NAV1: variants seen among roughly 807,000 people sequenced by gnomAD.
The protein encoded by NAV1 is neuron navigator 1, also known as pore membrane and/or filament interacting like protein 3.
In NAV1, 18 loss-of-function variants were observed where a neutral mutation model predicts 175.2. That is an observed-to-expected ratio of 0.10 (90% CI 0.07 to 0.15). The LOEUF is 0.15. NAV1 is among the 10% of genes least tolerant of loss of function. The pLI is 1.00. For missense variants in NAV1, 1,731 were observed against 2,436.6 expected (o/e 0.71, Z 6.10); for synonymous variants, 897 against 978.7 (o/e 0.92, Z 1.56).
Position 201,808,600 on chromosome 1 carries a change from A to G in NAV1, c.4028A>G (p.His1343Arg), listed in dbSNP as rs759003791. The stretch of plus-strand genomic sequence containing the variant: ...CTGGATCAGCTTCGGGAGACCATGC[A>G]CAACATGCAGGTCAGTGTCTGGGCG... Residue 1343 changes from histidine to arginine, a missense_variant, in exon 19 of 30, where the codon CAC becomes CGC. Transcript: ENST00000367296. The surrounding 1 kb of genome is among the most constrained non-coding windows in gnomAD (Gnocchi z 5.5). 19 of 1,614,106 alleles carry G rather than the reference A, an allele frequency of 1.2e-5. No homozygotes were observed. Among genetic ancestry groups the G allele is most frequent in the Non-Finnish European group, 1.5e-5 (18 of 1,180,042 alleles).
chr1:201,601,553 G>A (rs972171900), intron 2 of NAV1, among the ~76,000 whole-genome samples: 3 of 152,100 alleles, frequency 2.0e-5, no homozygotes, highest in South Asian at 2.1e-4. Flanking sequence ...TGGTCATGAG[G>A]GCAGAGCCTT....
chr1:201,714,201 G>T (rs1399709655), intron 2 of NAV1, among the ~76,000 whole-genome samples: 1 of 152,164 alleles, frequency 6.6e-6, no homozygotes, highest in Non-Finnish European at 1.5e-5. Context: ...GTGAGCCACC[G>T]CGCCCGGCCA....
At chr1:201,652,980 A>G (rs959532252) in intron 1 of NAV1, among the ~76,000 whole-genome samples, 1 of 152,236 alleles carries the variant, frequency 6.6e-6, no homozygotes, top group African/African-American at 2.4e-5. Context: ...ATCATCTAAT[A>G]TAAAGCCTAT....
In NAV1 at chr1:201,583,963, C is replaced by T. The variant is rs564449704; in HGVS notation, c.-143-4576C>T. Among the ~76,000 whole-genome samples the T allele has an allele frequency of 2.0e-5, 3 of 152,330 alleles. No individual in the cohort carries two copies. In the South Asian group the frequency reaches 6.2e-4, roughly 32 times the overall value. ...GTCACTTACTCTCTCTGTACTCCAA[C>T]TTCGTCCTCTGAAAAATTAAAGAAT... On this transcript the variant is annotated intron_variant, in intron 1 of 33. Coordinates refer to the NAV1 transcript ENST00000685211.
At chr1:201,789,610 A>G (rs1313289921) in intron 10 of NAV1, 130 bp from the exon 15 acceptor site, 2 of 824,510 alleles carry the variant, frequency 2.4e-6, no homozygotes, top group South Asian at 1.5e-5. Context: ...TGGGTTCCCT[A>G]CTCTGTTCTT....
chr1:201,730,354 C>T (rs1446076500), intron 3 of NAV1, among the ~76,000 whole-genome samples: 2 of 152,216 alleles, frequency 1.3e-5, no homozygotes, highest in Non-Finnish European at 2.9e-5. Flanking sequence ...AGTGGCCCCA[C>T]CAGAACAGAA....
intron 5 of NAV1, 148 bp downstream of exon 9, chr1:201,781,457 G>C (rs1164217945): frequency 6.4e-6 from 5 of 778,088 alleles, no homozygotes; most frequent in Non-Finnish European, 9.7e-6. Context: ...GGACAGTCCC[G>C]TGAGTTAGGA....
chr1:201,544,158 C>A (rs57748470), intron 1 of NAV1, among the ~76,000 whole-genome samples: 3,404 of 152,276 alleles, frequency 0.022, 122 homozygotes, highest in African/African-American at 0.077. Context: ...AATTCCTGGG[C>A]CCATCCCCAG....
intron 3 of NAV1, among the ~76,000 whole-genome samples, chr1:201,736,410 A>G (rs886762985): frequency 1.3e-5 from 2 of 152,066 alleles, no homozygotes; most frequent in African/African-American, 4.8e-5. Context: ...TTCTTACCCC[A>G]TTCTAACCAA....
Position 201,701,009 on chromosome 1 carries a change from CAAAAAAAAAA to C in NAV1, c.758-11794_758-11785del, listed in dbSNP as rs386369321. Among the ~76,000 whole-genome samples the C allele has an allele frequency of 9.7e-4, 51 of 52,764 alleles. No individual in the cohort carries two copies. The South Asian group carries it at 0.028, about 29-fold the overall frequency. 34.6% of individuals were successfully genotyped at this position (52,764 alleles called of 152,430 possible). ...CTGGGGACAGAGTGAGACTCTGTCT[CAAAAAAAAAA>C]AAAAAAAAAAAAAGAAAGAAAAGAA... is the stretch of plus-strand genomic sequence containing the variant. On this transcript the variant is annotated intron_variant, in intron 1 of 29. Coordinates refer to ENST00000367296, the Ensembl canonical transcript of NAV1.
chr1:201,727,745 C>T (rs1672670404), intron 3 of NAV1, among the ~76,000 whole-genome samples: 1 of 152,202 alleles, frequency 6.6e-6, no homozygotes, highest in South Asian at 2.1e-4. Context: ...CTGCTGTGGG[C>T]AACTGGGGCT....
In NAV1 at chr1:201,718,481, T is replaced by C; in HGVS notation, c.952T>C (p.Tyr318His). 1 of 1,601,494 alleles carries C rather than the reference T, an allele frequency of 6.2e-7. No homozygotes were observed. Residue 318 changes from tyrosine to histidine, a missense_variant, in exon 3 of 30, where the codon TAT becomes CAT. Physicochemically the swap from Tyr to His is moderately conservative, Grantham distance 83. Transcript: ENST00000367296. This position sits in a 1 kb window ranked among gnomAD's most constrained non-coding sequence, Gnocchi z 4.8. ...CCGCTCGTCCCCTCTGTCATGGCGC[T>C]ATGGCCAGTCCAGTCCGCGGCTGCA...
chr1:201,684,492 T>TA (rs1553253633), intron 1 of NAV1, among the ~76,000 whole-genome samples: 3 of 150,508 alleles, frequency 2.0e-5, no homozygotes, highest in East Asian at 2.0e-4. Flanking sequence ...TTTTTTTTTT[T>TA]AGACAGAGTC....
At chr1:201,755,223 T>G (rs968229876) in intron 3 of NAV1, among the ~76,000 whole-genome samples, 1 of 152,208 alleles carries the variant, frequency 6.6e-6, no homozygotes, top group African/African-American at 2.4e-5. Flanking sequence ...TTTAAAAACT[T>G]AAGATATTAT....
At chr1:201,615,451 G>T (rs1391930415) in intron 2 of NAV1, among the ~76,000 whole-genome samples, 2 of 152,026 alleles carry the variant, frequency 1.3e-5, no homozygotes, top group Admixed American at 6.6e-5. Flanking sequence ...TTTTAGTAGA[G>T]ATGGGGTTTC....
intron 2 of NAV1, among the ~76,000 whole-genome samples, chr1:201,613,174 C>T (rs1667905255): frequency 2.0e-5 from 3 of 152,212 alleles, no homozygotes; most frequent in Admixed American, 1.3e-4. Flanking sequence ...TCAGGAGTGC[C>T]TCAATTCAGA....
intron 15 of NAV1, chr1:201,798,458 T>C (rs1200774573): frequency 6.6e-6 from 1 of 151,816 alleles, no homozygotes; most frequent in Non-Finnish European, 1.5e-5. Flanking sequence ...CTGGGCAACA[T>C]AGTGAGACCT....
chr1:201,644,440 G>A (rs1265011688), upstream of NAV1, among the ~76,000 whole-genome samples: 2 of 152,216 alleles, frequency 1.3e-5, no homozygotes, highest in Admixed American at 6.5e-5. Flanking sequence ...CTCATGGGAT[G>A]TGAAAAGAAT....
chr1:201,691,025 G>T (rs1670910027), intron 1 of NAV1, among the ~76,000 whole-genome samples: 1 of 152,224 alleles, frequency 6.6e-6, no homozygotes, highest in Non-Finnish European at 1.5e-5. Flanking sequence ...GAAGCTTGGG[G>T]AGGGGGAGTT....
Sources: allele counts gnomAD v4.1 joint callset (sites outside exome capture counted in the v4.1 genomes callset), GRCh38; gene constraint gnomAD v4.1.1; non-coding constraint Gnocchi (gnomAD v3.1); transcripts MANE v1.5; gene names NCBI Gene and HGNC (gene_info 2026-07-23, HGNC 2026-07-21).